Variants in EIF4E3 observed in about 807,000 individuals in gnomAD.
The protein encoded by EIF4E3 is eukaryotic translation initiation factor 4E family member 3.
A neutral mutation model predicts 31.7 loss-of-function variants in EIF4E3; 26 were observed. That is an observed-to-expected ratio of 0.82 (90% CI 0.60 to 1.14). EIF4E3 has a LOEUF of 1.14. Among genes scored for constraint, EIF4E3 ranks in the 50% most tolerant of loss-of-function variants. The pLI is 0.00. For synonymous variants in EIF4E3, 128 were observed against 107.7 expected, an observed-to-expected ratio of 1.19 and a Z score of -1.17; for missense variants, 304 against 270.9, an observed-to-expected ratio of 1.12 and a Z score of -0.86.
chr3:71,704,399 C>A (rs1181840918), intron 2 of EIF4E3, among the ~76,000 whole-genome samples: 3 of 152,216 alleles, frequency 2.0e-5, no homozygotes, highest in African/African-American at 7.2e-5. Context: ...CCAGAAAAGG[C>A]CCTCATTCCT....
At chr3:71,726,563 T>C (rs1033862205), upstream of EIF4E3, among the ~76,000 whole-genome samples, 4 of 152,244 alleles carry the variant, frequency 2.6e-5, no homozygotes, top group African/African-American at 7.2e-5. Flanking sequence ...CATCTCCTCA[T>C]TGACCTTCTA....
At chr3:71,740,400 G>A (rs1400986220) in intron 1 of EIF4E3, among the ~76,000 whole-genome samples, 2 of 152,190 alleles carry the variant, frequency 1.3e-5, no homozygotes, top group Admixed American at 6.5e-5. Flanking sequence ...GACAGAGTGT[G>A]CATTTTTCTT....
chr3:71,754,469 C>G, upstream of EIF4E3: 2 of 1,328,862 alleles, frequency 1.5e-6, no homozygotes, highest in Non-Finnish European at 1.9e-6. This position sits in a 1 kb window ranked among gnomAD's most constrained non-coding sequence, Gnocchi z 5.8. Flanking sequence ...GGCCGTGCGC[C>G]GCCATGCTGG....
chr3:71,725,426 A>T, upstream of EIF4E3: 8 of 962,042 alleles, frequency 8.3e-6, no homozygotes, highest in Non-Finnish European at 9.8e-6. The surrounding 1 kb of genome is among the most constrained non-coding windows in gnomAD (Gnocchi z 6.1). Flanking sequence ...AGCGCGGCTG[A>T]GTCACCCCCG....
chr3:71,685,079 G>T (rs1234358587), intron 6 of EIF4E3, among the ~76,000 whole-genome samples: 2 of 152,112 alleles, frequency 1.3e-5, no homozygotes, highest in African/African-American at 2.4e-5. Context: ...TGCATTGCAG[G>T]GGGTGGGGAG....
chr3:71,752,308 T>C (rs2049937766), intron 1 of EIF4E3, among the ~76,000 whole-genome samples: 1 of 152,162 alleles, frequency 6.6e-6, no homozygotes, highest in Non-Finnish European at 1.5e-5. Context: ...CTGGACTAGG[T>C]TTACCGGCTC....
intron 5 of EIF4E3, among the ~76,000 whole-genome samples, chr3:71,690,932 T>C (rs2049055270): frequency 6.6e-6 from 1 of 152,222 alleles, no homozygotes; most frequent in Non-Finnish European, 1.5e-5. Context: ...TTGATTAAGG[T>C]GGACTTTTTT....
chr3:71,744,798 T>C (rs2049854843), intron 1 of EIF4E3, among the ~76,000 whole-genome samples: 1 of 152,196 alleles, frequency 6.6e-6, no homozygotes, highest in Non-Finnish European at 1.5e-5. Context: ...GCTACTGATA[T>C]ATGTATACCA....
chr3:71,729,692 T>A (rs1035902944), upstream of EIF4E3, among the ~76,000 whole-genome samples: 1 of 152,180 alleles, frequency 6.6e-6, no homozygotes, highest in African/African-American at 2.4e-5. Context: ...TCAATAAATA[T>A]TTGTTGCATA....
downstream of EIF4E3, among the ~76,000 whole-genome samples, chr3:71,673,011 C>G (rs991782185): frequency 6.6e-6 from 1 of 152,146 alleles, no homozygotes; most frequent in Non-Finnish European, 1.5e-5. Flanking sequence ...GGGCTGAACC[C>G]GGTGTCAGCA....
At chr3:71,699,989 G>A (rs555095289) in intron 2 of EIF4E3, among the ~76,000 whole-genome samples, 34 of 152,228 alleles carry the variant, frequency 2.2e-4, no homozygotes, top group African/African-American at 7.7e-4. Context: ...CCTGGGCAAT[G>A]TGGCAAGATC....
At chr3:71,687,988 C>T (rs180958286) in intron 6 of EIF4E3, among the ~76,000 whole-genome samples, 154 of 151,660 alleles carry the variant, frequency 1.0e-3, no homozygotes, top group Non-Finnish European at 5.3e-4. Context: ...GGACTGCCTG[C>T]TTTGTTTACA....
At chr3:71,711,336 C>T (rs2049375733) in intron 1 of EIF4E3, among the ~76,000 whole-genome samples, 1 of 152,186 alleles carries the variant, frequency 6.6e-6, no homozygotes, top group African/African-American at 2.4e-5. Context: ...TGTTTCATCA[C>T]ACAAATAATG....
At chr3:71,736,130 A>T (rs2049760596) in intron 1 of EIF4E3, among the ~76,000 whole-genome samples, 1 of 152,232 alleles carries the variant, frequency 6.6e-6, no homozygotes, top group Non-Finnish European at 1.5e-5. Context: ...AGAATGTCTA[A>T]ATCCCGAAAC....
intron 1 of EIF4E3, among the ~76,000 whole-genome samples, chr3:71,731,592 G>A (rs1241210778): frequency 6.6e-6 from 1 of 152,190 alleles, no homozygotes; most frequent in Non-Finnish European, 1.5e-5. Flanking sequence ...GTCCATGGCT[G>A]GCACACCAGC....
At chr3:71,741,918 T>C (rs2049824660) in intron 1 of EIF4E3, among the ~76,000 whole-genome samples, 3 of 152,136 alleles carry the variant, frequency 2.0e-5, no homozygotes, top group Admixed American at 2.0e-4. Context: ...CTATAACTCA[T>C]GGATCAAAAA....
intron 1 of EIF4E3, among the ~76,000 whole-genome samples, chr3:71,749,329 G>A (rs71298401): frequency 0.031 from 4,699 of 152,280 alleles, 89 homozygotes; most frequent in Non-Finnish European, 0.047. Context: ...GGTCCTCACC[G>A]CAAGGCCCAC....
chr3:71,732,787 G>A (rs951144926), intron 1 of EIF4E3, among the ~76,000 whole-genome samples: 1 of 152,212 alleles, frequency 6.6e-6, no homozygotes, highest in African/African-American at 2.4e-5. Context: ...AATGTGATCA[G>A]AGGAAAGTCC....
At chr3:71,718,336 G>A (rs2049495931) in intron 1 of EIF4E3, among the ~76,000 whole-genome samples, 2 of 152,200 alleles carry the variant, frequency 1.3e-5, no homozygotes, top group African/African-American at 4.8e-5. Flanking sequence ...CCCTATTACT[G>A]ACAGTTAATA....
Sources: gnomAD v4.1 joint callset for allele counts (sites outside exome capture counted in the v4.1 genomes callset) on GRCh38, gnomAD v4.1.1 for gene constraint, Gnocchi (gnomAD v3.1) non-coding constraint, MANE v1.5 for transcripts, NCBI Gene and HGNC (gene_info 2026-07-23, HGNC 2026-07-21) for gene names.